Variants in RAI14 observed in about 807,000 individuals in gnomAD.
The protein encoded by RAI14 is ankycorbin.
Under a neutral mutation model 115.4 loss-of-function variants are expected in RAI14, and 45 were observed. The observed-to-expected ratio is 0.39, with a 90% CI of 0.31 to 0.50. The LOEUF is 0.50. RAI14 is among the 20% of genes least tolerant of loss of function. The pLI, the probability that RAI14 is intolerant of heterozygous loss-of-function variation, is 0.85. For missense variants in RAI14, 939 were observed against 1,131.2 expected, an observed-to-expected ratio of 0.83 and a Z score of 2.44; for synonymous variants, 371 against 415.4, an observed-to-expected ratio of 0.89 and a Z score of 1.30.
intron 3 of RAI14, among the ~76,000 whole-genome samples, chr5:34,771,432 A>G (rs1750146487): frequency 6.6e-6 from 1 of 152,238 alleles, no homozygotes; most frequent in South Asian, 2.1e-4. Flanking sequence ...GTGAATGAAT[A>G]TGCCTGAGAA....
Position 34,791,308 on chromosome 5 carries a change from C to T in RAI14, c.168-4631C>T, listed in dbSNP as rs1008436723. Among the ~76,000 whole-genome samples the T allele has an allele frequency of 6.6e-6, 1 of 151,936 alleles. No individual in the cohort carries two copies. ...TACTAAAGTCATTTGTTTTTCTTAC[C>T]CGTGGAGAGGTGTATTCTTGAACCC... On this transcript the variant is annotated intron_variant, in intron 3 of 17. Transcript: ENST00000265109. The surrounding 1 kb of genome is among the most constrained non-coding windows in gnomAD (Gnocchi z 5.4).
intron 13 of RAI14, 59 bp downstream of exon 13, chr5:34,818,910 T>C: frequency 2.7e-6 from 4 of 1,498,622 alleles, no homozygotes; most frequent in Non-Finnish European, 3.7e-6. Context: ...TCATGTCCAT[T>C]TAAAGAGAGC....
chr5:34,665,493 CTT>C (rs761118730), intron 1 of RAI14, among the ~76,000 whole-genome samples: 8 of 134,620 alleles, frequency 5.9e-5, no homozygotes, highest in Admixed American at 7.5e-5. Flanking sequence ...ATTTTTTTTT[CTT>C]TTTTTTTTTT....
At chr5:34,755,204 TCTA>T (rs1266520052) in intron 2 of RAI14, among the ~76,000 whole-genome samples, 1 of 152,182 alleles carries the variant, frequency 6.6e-6, no homozygotes, top group Non-Finnish European at 1.5e-5. Context: ...CGCTTTCTAT[TCTA>T]CTAACAAATG....
intron 1 of RAI14, among the ~76,000 whole-genome samples, chr5:34,657,938 T>G (rs1742409991): frequency 1.3e-5 from 2 of 152,192 alleles, no homozygotes; most frequent in South Asian, 4.1e-4. Context: ...CTTTTCTTAA[T>G]GATGCCTAAC....
rs1007057196 is a variant in RAI14 at position 34,814,904 on chromosome 5, A to G, written c.939+235A>G. Among the ~76,000 whole-genome samples, 1 of 152,192 alleles carries G rather than the reference A, an allele frequency of 6.6e-6. No homozygotes were observed. Among genetic ancestry groups the G allele is most frequent in the African/African-American group, 2.4e-5 (1 of 41,450 alleles). ...AAATTTTTAAAAAATCATTGAGTGA[A>G]TAAATTAAATTTACAAACCAATAAT... On this transcript the variant is annotated intron_variant, in intron 12 of 17. Transcript: ENST00000265109.
intron 3 of RAI14, among the ~76,000 whole-genome samples, chr5:34,772,604 GT>G (rs1460995650): frequency 6.6e-6 from 1 of 152,138 alleles, no homozygotes; most frequent in East Asian, 1.9e-4. Flanking sequence ...CCTCAGATTG[GT>G]TTAGAAATGA....
intron 3 of RAI14, among the ~76,000 whole-genome samples, chr5:34,769,082 A>G (rs1749810371): frequency 6.6e-6 from 1 of 151,888 alleles, no homozygotes; most frequent in African/African-American, 2.4e-5. Flanking sequence ...CAGAAGTAGT[A>G]CTGCTGATTC....
intron 3 of RAI14, among the ~76,000 whole-genome samples, chr5:34,761,589 C>G (rs1748657457): frequency 6.6e-6 from 1 of 152,164 alleles, no homozygotes; most frequent in East Asian, 1.9e-4. Flanking sequence ...CTCTGCCCCA[C>G]TTACCTACAT....
At chr5:34,772,122 A>G (rs1401927607) in intron 3 of RAI14, among the ~76,000 whole-genome samples, 1 of 152,188 alleles carries the variant, frequency 6.6e-6, no homozygotes, top group Non-Finnish European at 1.5e-5. Flanking sequence ...CATGTTGCCC[A>G]GGCTTGTCTT....
chr5:34,665,157 GTGTA>G (rs1479230286), intron 1 of RAI14, among the ~76,000 whole-genome samples: 1 of 17,270 alleles, frequency 5.8e-5, no homozygotes, highest in African/African-American at 1.7e-4. Flanking sequence ...ATATATGTGT[GTGTA>G]TATATATATA....
intron 3 of RAI14, among the ~76,000 whole-genome samples, chr5:34,787,563 T>G (rs1259980952): frequency 6.6e-6 from 1 of 152,062 alleles, no homozygotes; most frequent in Admixed American, 6.6e-5. Context: ...TGGAAGTAGA[T>G]TTGTGGTTTC....
At chr5:34,682,574 C>G (rs1441209590) in intron 1 of RAI14, among the ~76,000 whole-genome samples, 1 of 152,178 alleles carries the variant, frequency 6.6e-6, no homozygotes, top group Non-Finnish European at 1.5e-5. Context: ...ATGTACATCT[C>G]TGCTTTGCTC....
chr5:34,743,502 C>A (rs1422826462), intron 2 of RAI14, among the ~76,000 whole-genome samples: 2 of 152,154 alleles, frequency 1.3e-5, no homozygotes, highest in Non-Finnish European at 2.9e-5. Context: ...TCTGTAAAGA[C>A]CCTATTTCCA....
At chr5:34,706,852 GCCCTTTTCTAC>G in intron 2 of RAI14, among the ~76,000 whole-genome samples, 1 of 152,204 alleles carries the variant, frequency 6.6e-6, no homozygotes, top group East Asian at 1.9e-4. Flanking sequence ...ATGAAAAATA[GCCCTTTTCTAC>G]CCCAGAAAAG....
chr5:34,801,330 T>G (rs1470921664), intron 4 of RAI14, among the ~76,000 whole-genome samples: 1 of 152,216 alleles, frequency 6.6e-6, no homozygotes, highest in Non-Finnish European at 1.5e-5. Flanking sequence ...ACTTTACACA[T>G]TTTTATGCCA....
At chr5:34,663,152 C>G (rs1742830763) in intron 1 of RAI14, among the ~76,000 whole-genome samples, 2 of 152,036 alleles carry the variant, frequency 1.3e-5, no homozygotes, top group African/African-American at 4.8e-5. Flanking sequence ...CTACAATGAA[C>G]AAAAAAATTA....
At chr5:34,746,554 G>A (rs1746253812) in intron 2 of RAI14, among the ~76,000 whole-genome samples, 1 of 151,286 alleles carries the variant, frequency 6.6e-6, no homozygotes, top group African/African-American at 2.4e-5. Context: ...ACAGGTGCAT[G>A]CCACCACACC....
chr5:34,734,290 TGAGGGATTCTG>T (rs1744577455), intron 2 of RAI14, among the ~76,000 whole-genome samples: 1 of 152,190 alleles, frequency 6.6e-6, no homozygotes, highest in Non-Finnish European at 1.5e-5. Flanking sequence ...GCTCTTCCCT[TGAGGGATTCTG>T]ATTGCCCGCT....
Sources: allele counts gnomAD v4.1 joint callset (sites outside exome capture counted in the v4.1 genomes callset), GRCh38; gene constraint gnomAD v4.1.1; non-coding constraint Gnocchi (gnomAD v3.1); transcripts MANE v1.5; gene names NCBI Gene and HGNC (gene_info 2026-07-23, HGNC 2026-07-21).